Variants in SUFU observed in about 807,000 individuals in gnomAD.
The protein encoded by SUFU is SUFU negative regulator of hedgehog signaling.
Under a neutral mutation model 58.9 loss-of-function variants are expected in SUFU, and 7 were observed. The ratio of observed to expected loss-of-function variants is 0.12; its 90% CI spans 0.07 to 0.22. The LOEUF is 0.22. SUFU is among the 10% of genes least tolerant of loss of function. The pLI, the probability that SUFU is intolerant of heterozygous loss-of-function variation, is 1.00. For missense variants in SUFU, 451 were observed against 641.3 expected, an observed-to-expected ratio of 0.70 and a Z score of 3.20; for synonymous variants, 232 against 254.8, an observed-to-expected ratio of 0.91 and a Z score of 0.85.
At chr10:102,520,011 A>G in intron 2 of SUFU, among the ~76,000 whole-genome samples, 1 of 151,892 alleles carries the variant, frequency 6.6e-6, no homozygotes, top group Non-Finnish European at 1.5e-5. Context: ...ACCTCAGGTG[A>G]TCTGCCCACC....
At chr10:102,516,109 TTTCTTTCTTTCTTTTC>T (rs2062465370) in intron 2 of SUFU, among the ~76,000 whole-genome samples, 1 of 126,810 alleles carries the variant, frequency 7.9e-6, no homozygotes, top group South Asian at 2.6e-4. Context: ...TTCTTTTCTT[TTTCTTTCTTTCTTTTC>T]TTTTTTTTTT....
intron 2 of SUFU, among the ~76,000 whole-genome samples, chr10:102,537,140 T>C (rs2062749471): frequency 6.7e-6 from 1 of 150,340 alleles, no homozygotes; most frequent in African/African-American, 2.5e-5. Context: ...TTTTTTTTTT[T>C]TTTTTTTTTT....
At chr10:102,568,923 C>T (rs7090734) in intron 3 of SUFU, among the ~76,000 whole-genome samples, 1,012 of 38,480 alleles carry the variant, frequency 0.026, 28 homozygotes, top group African/African-American at 0.047. Context: ...TATATATACA[C>T]ATATATATAT....
At chr10:102,515,823 G>T (rs553404291) in intron 2 of SUFU, among the ~76,000 whole-genome samples, 2 of 152,214 alleles carry the variant, frequency 1.3e-5, no homozygotes, top group East Asian at 3.9e-4. Context: ...CAGGCTCATT[G>T]GGGGGCACAC....
At chr10:102,565,500 A>G (rs980263022) in intron 3 of SUFU, among the ~76,000 whole-genome samples, 1 of 152,246 alleles carries the variant, frequency 6.6e-6, no homozygotes, top group African/African-American at 2.4e-5. Context: ...TCTGTATCCT[A>G]CATTGGAGAA....
chr10:102,541,022 GA>G (rs938792110), intron 2 of SUFU, among the ~76,000 whole-genome samples: 11 of 148,512 alleles, frequency 7.4e-5, no homozygotes, highest in South Asian at 4.2e-4. Flanking sequence ...ACTCCATCTC[GA>G]AAAAAAAAAG....
upstream of SUFU, chr10:102,503,867 T>C (rs73336657): frequency 7.3e-6 from 3 of 409,626 alleles, no homozygotes; most frequent in East Asian, 1.4e-4. Flanking sequence ...AAGTCACACC[T>C]TCCCTGCCTG....
intron 3 of SUFU, among the ~76,000 whole-genome samples, chr10:102,557,203 C>T (rs1166714569): frequency 6.6e-6 from 1 of 150,770 alleles, no homozygotes; most frequent in African/African-American, 2.4e-5. Flanking sequence ...TGCACTCAGC[C>T]TGGGTGATAG....
chr10:102,618,781 C>T lies in SUFU; in HGVS notation c.1296+1353C>T, dbSNP rs548605208. The T allele has an allele frequency of 4.5e-5, 23 of 515,616 alleles. No homozygotes were observed. The East Asian group carries it at 6.8e-4, about 15-fold the overall frequency. 31.9% of individuals were successfully genotyped at this position (515,616 alleles called of 1,614,324 possible). On this transcript the variant is annotated intron_variant, in intron 10 of 11. Coordinates refer to ENST00000369902, the MANE Select transcript of SUFU (RefSeq NM_016169.4). ...GAAAGGGCCTCCCTCCATTCCCTAC[C>T]CCCAGCCATGTCCCGGGCTGCTGCG...
At chr10:102,519,767 T>C (rs1286297272) in intron 2 of SUFU, among the ~76,000 whole-genome samples, 2 of 152,170 alleles carry the variant, frequency 1.3e-5, no homozygotes, top group Admixed American at 1.3e-4. Flanking sequence ...TCAATAGACT[T>C]TATATTTTTG....
intron 10 of SUFU, among the ~76,000 whole-genome samples, chr10:102,623,891 G>A (rs574916583): frequency 6.6e-6 from 1 of 152,290 alleles, no homozygotes; most frequent in Admixed American, 6.5e-5. Context: ...AATGAGCCAA[G>A]ATTGTACCAC....
At chr10:102,506,525 C>T (rs927949315) in intron 1 of SUFU, among the ~76,000 whole-genome samples, 3 of 152,168 alleles carry the variant, frequency 2.0e-5, no homozygotes, top group Non-Finnish European at 4.4e-5. Context: ...ATTACAGGCA[C>T]ACGCCACCTT....
chr10:102,558,489 A>G (rs998206173), intron 3 of SUFU, among the ~76,000 whole-genome samples: 1 of 152,204 alleles, frequency 6.6e-6, no homozygotes, highest in African/African-American at 2.4e-5. Context: ...AGGACTACAC[A>G]TGCGAGCCAC....
intron 3 of SUFU, among the ~76,000 whole-genome samples, chr10:102,578,207 G>A (rs1225485654): frequency 3.3e-5 from 5 of 150,250 alleles, no homozygotes; most frequent in East Asian, 2.0e-4. Context: ...ACTCGGGATC[G>A]CGCCACTGCA....
intron 2 of SUFU, among the ~76,000 whole-genome samples, chr10:102,511,061 C>T (rs2062395168): frequency 6.8e-6 from 1 of 147,244 alleles, no homozygotes; most frequent in African/African-American, 2.5e-5. Flanking sequence ...GAGTAGGTTG[C>T]AGTGAGCCAA....
chr10:102,511,545 C>T (rs2062401169), intron 2 of SUFU, among the ~76,000 whole-genome samples: 1 of 151,930 alleles, frequency 6.6e-6, no homozygotes, highest in Non-Finnish European at 1.5e-5. Context: ...TACTGTCTTC[C>T]GTGTCATTGT....
intron 7 of SUFU, among the ~76,000 whole-genome samples, chr10:102,599,119 G>C (rs1450423459): frequency 6.6e-6 from 1 of 152,166 alleles, no homozygotes; most frequent in Non-Finnish European, 1.5e-5. Flanking sequence ...ACTGTGTGGA[G>C]CCATGTTAAG....
At chr10:102,614,633 T>G (rs2063664690) in intron 8 of SUFU, among the ~76,000 whole-genome samples, 1 of 150,584 alleles carries the variant, frequency 6.6e-6, no homozygotes, top group South Asian at 2.1e-4. Context: ...CCCAGCACTT[T>G]GGGAGGCCAG....
At chr10:102,601,227 C>T (rs905329909) in intron 8 of SUFU, among the ~76,000 whole-genome samples, 25 of 152,170 alleles carry the variant, frequency 1.6e-4, no homozygotes, top group Admixed American at 4.6e-4. Context: ...CCTGAGATCT[C>T]ACTCCCTGGC....
Sources: gnomAD v4.1 joint callset for allele counts (sites outside exome capture counted in the v4.1 genomes callset) on GRCh38, gnomAD v4.1.1 for gene constraint, MANE v1.5 for transcripts, NCBI Gene and HGNC (gene_info 2026-07-23, HGNC 2026-07-21) for gene names.